Variants in UNC5C observed in about 807,000 individuals in gnomAD.
UNC5C encodes unc-5 netrin receptor C, also known as netrin receptor UNC5C.
A neutral mutation model predicts 99.8 loss-of-function variants in UNC5C; 47 were observed. The observed-to-expected ratio is 0.47, with a 90% confidence interval of 0.37 to 0.60. The LOEUF is 0.60. UNC5C is among the 20% of genes least tolerant of loss of function. The pLI is 0.00. For synonymous variants in UNC5C, 487 were observed against 452.2 expected (o/e 1.08, Z -0.98); for missense variants, 1,062 against 1,165.9 (o/e 0.91, Z 1.30).
chr4:95,190,944 A>G (rs1276414149), intron 12 of UNC5C, among the ~76,000 whole-genome samples: 2 of 152,194 alleles, frequency 1.3e-5, no homozygotes, highest in Non-Finnish European at 1.5e-5. Context: ...AGCTTTCACA[A>G]TAACCAATTA....
chr4:95,530,954 A>T (rs1722624229), intron 1 of UNC5C, among the ~76,000 whole-genome samples: 1 of 152,226 alleles, frequency 6.6e-6, no homozygotes, highest in South Asian at 2.1e-4. Context: ...TATTCATGTG[A>T]TTCTTACTAA....
intron 14 of UNC5C, among the ~76,000 whole-genome samples, chr4:95,179,584 T>TAACA (rs879277487): frequency 1.3e-4 from 20 of 152,064 alleles, no homozygotes; most frequent in Non-Finnish European, 2.4e-4. Context: ...CTGTCTCTAC[T>TAACA]AACAATACAA....
chr4:95,351,442 C>A (rs1261000994), intron 1 of UNC5C, among the ~76,000 whole-genome samples: 4 of 151,786 alleles, frequency 2.6e-5, no homozygotes, highest in Non-Finnish European at 5.9e-5. Flanking sequence ...GGAAGAAATC[C>A]TTGTACAAAA....
intron 1 of UNC5C, among the ~76,000 whole-genome samples, chr4:95,472,222 T>G (rs1021453314): frequency 6.6e-6 from 1 of 152,188 alleles, no homozygotes; most frequent in Non-Finnish European, 1.5e-5. Flanking sequence ...TTTAAAGTAT[T>G]TTAATTAATT....
intron 12 of UNC5C, among the ~76,000 whole-genome samples, chr4:95,201,456 C>T (rs1335046918): frequency 6.6e-6 from 1 of 152,130 alleles, no homozygotes; most frequent in African/African-American, 2.4e-5. Flanking sequence ...TATGTATTTT[C>T]AATCATGTCT....
At chr4:95,271,379 C>T (rs1740658912) in intron 4 of UNC5C, among the ~76,000 whole-genome samples, 1 of 151,142 alleles carries the variant, frequency 6.6e-6, no homozygotes, top group East Asian at 1.9e-4. Flanking sequence ...AGGCGCCCGC[C>T]ACCACGCCCG....
intron 12 of UNC5C, among the ~76,000 whole-genome samples, chr4:95,195,742 C>T (rs569968237): frequency 4.6e-5 from 7 of 152,246 alleles, no homozygotes; most frequent in South Asian, 2.1e-4. Flanking sequence ...ACTAGACTTC[C>T]GCCAACCTCC....
intron 1 of UNC5C, among the ~76,000 whole-genome samples, chr4:95,398,015 A>G (rs576776750): frequency 2.6e-3 from 348 of 136,438 alleles, no homozygotes; most frequent in African/African-American, 9.6e-3. Flanking sequence ...TTGGGACACA[A>G]TTTCCCAATG....
intron 1 of UNC5C, among the ~76,000 whole-genome samples, chr4:95,501,682 A>G (rs1721779029): frequency 6.6e-6 from 1 of 152,162 alleles, no homozygotes; most frequent in Admixed American, 6.6e-5. Flanking sequence ...AGCTTGTGAA[A>G]GTATTATAAA....
rs377555133 is a variant in UNC5C, at chr4:95,352,213, T to G, written c.125-16582A>C. Among the ~76,000 whole-genome samples the G allele has an allele frequency of 1.6e-4, 25 of 152,274 alleles. No homozygotes were observed. In the South Asian group the frequency reaches 4.6e-3, roughly 28 times the overall value. ...CCGAAAAGAACTCCCCTGATCTGAT[T>G]GCTGCCAGCCTCTATGTCTCATTTT... On this transcript the variant is annotated intron_variant, in intron 1 of 15. Coordinates refer to ENST00000453304, the MANE Select transcript of UNC5C (RefSeq NM_003728.4).
intron 9 of UNC5C, among the ~76,000 whole-genome samples, chr4:95,217,864 A>C (rs1738321456): frequency 6.6e-6 from 1 of 152,250 alleles, no homozygotes; most frequent in South Asian, 2.1e-4. Flanking sequence ...ATGCAATAGC[A>C]TGAGGATTAA....
chr4:95,538,969 C>T (rs1722848419), intron 1 of UNC5C, among the ~76,000 whole-genome samples: 1 of 152,116 alleles, frequency 6.6e-6, no homozygotes, highest in South Asian at 2.1e-4. Context: ...ACCAATATGG[C>T]ATATGAGGGT....
At chr4:95,328,295 T>G (rs1487526805) in intron 2 of UNC5C, among the ~76,000 whole-genome samples, 7 of 92,910 alleles carry the variant, frequency 7.5e-5, no homozygotes, top group African/African-American at 1.9e-4. Context: ...AATTCCCACC[T>G]ATGCGTGAGA....
At chr4:95,202,081 C>G (rs1737696417) in intron 12 of UNC5C, among the ~76,000 whole-genome samples, 1 of 152,180 alleles carries the variant, frequency 6.6e-6, no homozygotes, top group South Asian at 2.1e-4. Flanking sequence ...GTCTCCTGAG[C>G]TCCCATATAG....
chr4:95,521,701 A>G lies in UNC5C; in HGVS notation c.124+27033T>C, dbSNP rs1722363272. On this transcript the variant is annotated intron_variant, in intron 1 of 15. Transcript: ENST00000453304. ...AGTCCATAGCAAACATCCATTGGAAAAATGTGAGAAAGCTACGTAGATATT... is the reference window on the plus strand; with the variant it reads ...AGTCCATAGCAAACATCCATTGGAAGAATGTGAGAAAGCTACGTAGATATT... Among the ~76,000 whole-genome samples the G allele has an allele frequency of 2.0e-5, 3 of 152,324 alleles. No individual in the cohort carries two copies. The South Asian group carries it at 6.2e-4, about 32-fold the overall frequency.
intron 1 of UNC5C, among the ~76,000 whole-genome samples, chr4:95,389,922 A>G (rs1745308681): frequency 1.3e-5 from 2 of 152,302 alleles, no homozygotes; most frequent in African/African-American, 4.8e-5. Context: ...TAGTGTGAGT[A>G]CAAGAAAACT....
At chr4:95,298,205 G>T (rs1741733189) in intron 3 of UNC5C, among the ~76,000 whole-genome samples, 1 of 152,126 alleles carries the variant, frequency 6.6e-6, no homozygotes, top group Non-Finnish European at 1.5e-5. Context: ...CCAGCTACCT[G>T]GGAGGCTGGG....
chr4:95,320,280 A>T (rs539545735), intron 2 of UNC5C, among the ~76,000 whole-genome samples: 80 of 151,960 alleles, frequency 5.3e-4, no homozygotes, highest in African/African-American at 1.9e-3. Context: ...AAATTAGCCC[A>T]GTGTGGTGGC....
At chr4:95,455,324 C>G (rs1190947030) in intron 1 of UNC5C, among the ~76,000 whole-genome samples, 6 of 152,062 alleles carry the variant, frequency 3.9e-5, no homozygotes, top group African/African-American at 1.4e-4. Flanking sequence ...TCCCCATTAA[C>G]AAAACCTCGA....
Sources: gnomAD v4.1 joint callset for allele counts (sites outside exome capture counted in the v4.1 genomes callset) on GRCh38, gnomAD v4.1.1 for gene constraint, MANE v1.5 for transcripts, NCBI Gene and HGNC (gene_info 2026-07-23, HGNC 2026-07-21) for gene names.